PLA2G3: variants seen among roughly 807,000 people sequenced by gnomAD.
PLA2G3 encodes group 3 secretory phospholipase A2.
A neutral mutation model predicts 51.3 loss-of-function variants in PLA2G3; 39 were observed. The ratio of observed to expected loss-of-function variants is 0.76; its 90% confidence interval spans 0.59 to 0.99. PLA2G3 has a LOEUF of 0.99. PLA2G3 is among the 50% of genes least tolerant of loss of function. The probability of loss-of-function intolerance (pLI) is 0.00; values close to 1 mark genes in which losing one functional copy is unlikely to be tolerated. For missense variants in PLA2G3, 677 were observed against 662.1 expected, an observed-to-expected ratio of 1.02 and a Z score of -0.25; for synonymous variants, 293 against 263.1, an observed-to-expected ratio of 1.11 and a Z score of -1.10.
rs1200677190 is a variant in PLA2G3 at position 31,137,840 on chromosome 22, T to C, written c.936A>G (p.Pro312=). ...GGCGCTTGGACCCTTTCTGATGTGG[T>C]GGCCCCTTCCGAAGGTGCTGCTTCT... ...PRQKQHLRKG[P]PHQKGSKRPS... Residue 312 remains proline, a synonymous_variant, in exon 4 of 7, where the codon CCA becomes CCG. Coordinates refer to ENST00000215885, the MANE Select transcript of PLA2G3 (RefSeq NM_015715.5). 6.2e-7 allele frequency: 1 copy of C among 1,613,978 alleles called. No individual in the cohort carries two copies. Among genetic ancestry groups the C allele is most frequent in the East Asian group, 2.2e-5 (1 of 44,876 alleles).
Sources: allele counts gnomAD v4.1 joint callset, GRCh38; gene constraint gnomAD v4.1.1; transcripts MANE v1.5; gene names NCBI Gene and HGNC (gene_info 2026-07-23, HGNC 2026-07-21).